The following ZCWPW2 variants were observed in gnomAD, a reference collection of about 807,000 sequenced individuals.
ZCWPW2 encodes the protein zinc finger CW-type and PWWP domain containing 2.
In ZCWPW2, 45 loss-of-function variants were observed where a neutral mutation model predicts 46.6. The ratio of observed to expected loss-of-function variants is 0.96; its 90% CI spans 0.76 to 1.24. The LOEUF (loss-of-function observed/expected upper bound fraction) is 1.24. Ranked by LOEUF, ZCWPW2 falls within the 50% of genes most tolerant of loss-of-function variation. The pLI is 0.00. For missense variants in ZCWPW2, 429 were observed against 403.9 expected (o/e 1.06, Z -0.53); for synonymous variants, 152 against 137.1 (o/e 1.11, Z -0.76).
chr3:28,480,006 G>A (rs1370157285), intron 5 of ZCWPW2, among the ~76,000 whole-genome samples: 1 of 152,100 alleles, frequency 6.6e-6, no homozygotes, highest in Non-Finnish European at 1.5e-5. Context: ...CATTGTCTTT[G>A]CTATTGTGAA....
intron 6 of ZCWPW2, among the ~76,000 whole-genome samples, chr3:28,503,417 A>G (rs1700201128): frequency 6.6e-6 from 1 of 152,020 alleles, no homozygotes; most frequent in African/African-American, 2.4e-5. Flanking sequence ...CCAACTTCAG[A>G]CTCCACACAA....
At chr3:28,380,437 T>A (rs1168845389) in intron 1 of ZCWPW2, among the ~76,000 whole-genome samples, 1 of 152,184 alleles carries the variant, frequency 6.6e-6, no homozygotes, top group Non-Finnish European at 1.5e-5. Context: ...CAGAAACAAC[T>A]ACTCAAAGAA....
chr3:28,391,830 C>T (rs1695505801), intron 2 of ZCWPW2, among the ~76,000 whole-genome samples: 1 of 152,122 alleles, frequency 6.6e-6, no homozygotes, highest in Admixed American at 6.5e-5. Flanking sequence ...TTTGCCACCC[C>T]AGGACCAGGC....
At chr3:28,370,155 C>T (rs1241339266) in intron 1 of ZCWPW2, among the ~76,000 whole-genome samples, 2 of 152,186 alleles carry the variant, frequency 1.3e-5, no homozygotes, top group Non-Finnish European at 2.9e-5. Flanking sequence ...GTGCGCTGCA[C>T]CCACTGTCCT....
At chr3:28,497,806 T>C (rs1375350760) in intron 6 of ZCWPW2, among the ~76,000 whole-genome samples, 5 of 152,072 alleles carry the variant, frequency 3.3e-5, no homozygotes, top group African/African-American at 1.2e-4. Flanking sequence ...GCCCTTCACT[T>C]AACTCCCTTT....
intron 2 of ZCWPW2, among the ~76,000 whole-genome samples, chr3:28,409,335 G>A (rs1364224384): frequency 1.3e-5 from 2 of 151,870 alleles, no homozygotes; most frequent in Non-Finnish European, 2.9e-5. Flanking sequence ...GACCAGGCTG[G>A]TCTTGAACTC....
intron 5 of ZCWPW2, among the ~76,000 whole-genome samples, chr3:28,490,262 A>G (rs545902641): frequency 2.3e-4 from 35 of 152,242 alleles, no homozygotes; most frequent in African/African-American, 2.4e-5. Flanking sequence ...CAGTTTGGCA[A>G]TTTTTCAAAG....
chr3:28,362,533 C>G (rs1704979086), intron 1 of ZCWPW2, among the ~76,000 whole-genome samples: 1 of 152,070 alleles, frequency 6.6e-6, no homozygotes, highest in Non-Finnish European at 1.5e-5. Context: ...ATACAATCTC[C>G]CACCAGTCAG....
At chr3:28,429,183 T>C (rs991761355) in intron 3 of ZCWPW2, among the ~76,000 whole-genome samples, 3 of 152,160 alleles carry the variant, frequency 2.0e-5, no homozygotes, top group South Asian at 2.1e-4. Context: ...CTGATAGTGA[T>C]ATGGACGATG....
intron 4 of ZCWPW2, among the ~76,000 whole-genome samples, chr3:28,473,503 A>G (rs1186043714): frequency 6.6e-6 from 1 of 152,008 alleles, no homozygotes; most frequent in African/African-American, 2.4e-5. Flanking sequence ...TAGAGCTACT[A>G]TATGATCCAG....
At chr3:28,446,747 C>A (rs1012234582) in intron 4 of ZCWPW2, among the ~76,000 whole-genome samples, 1 of 151,282 alleles carries the variant, frequency 6.6e-6, no homozygotes, top group African/African-American at 2.4e-5. Flanking sequence ...TTGAAAAGAT[C>A]AATAAAACTG....
At chr3:28,350,543 T>C (rs999996752) in intron 1 of ZCWPW2, among the ~76,000 whole-genome samples, 1 of 152,208 alleles carries the variant, frequency 6.6e-6, no homozygotes, top group African/African-American at 2.4e-5. Flanking sequence ...ACAAATTTTA[T>C]TATTTTAGTC....
chr3:28,422,537 T>C (rs925888954), intron 3 of ZCWPW2, among the ~76,000 whole-genome samples: 8 of 152,234 alleles, frequency 5.3e-5, no homozygotes, highest in Non-Finnish European at 7.3e-5. Flanking sequence ...CATGTCCTTT[T>C]ATGGCTTGAT....
At chr3:28,368,369 C>G (rs970421200) in intron 1 of ZCWPW2, among the ~76,000 whole-genome samples, 1 of 152,140 alleles carries the variant, frequency 6.6e-6, no homozygotes, top group Non-Finnish European at 1.5e-5. Flanking sequence ...GACAAAATCT[C>G]TCAACATTTG....
chr3:28,472,549 T>G (rs1404062570), intron 4 of ZCWPW2, among the ~76,000 whole-genome samples: 1 of 152,028 alleles, frequency 6.6e-6, no homozygotes, highest in East Asian at 1.9e-4. Flanking sequence ...ACCCTATCTC[T>G]CGCCATAAAT....
rs1260330063 is a variant in ZCWPW2 at position 28,504,847 on chromosome 3, C to T, written c.658-9217C>T. Among the ~76,000 whole-genome samples, 6 of 152,146 alleles carry T rather than the reference C, an allele frequency of 3.9e-5. No homozygotes were observed. In the East Asian group the frequency reaches 9.6e-4, roughly 24 times the overall value. On this transcript the variant is annotated intron_variant, in intron 6 of 9. Transcript: ENST00000383768. Reference sequence around the variant, plus strand: ...GCTTTCCATGGGGTTCGTCCCTCCCCGGACACCCTGTCTGGATTAGTCCTT... The same window carrying T: ...GCTTTCCATGGGGTTCGTCCCTCCCTGGACACCCTGTCTGGATTAGTCCTT...
intron 4 of ZCWPW2, among the ~76,000 whole-genome samples, chr3:28,470,478 G>T (rs1311318000): frequency 6.9e-6 from 1 of 144,600 alleles, no homozygotes; most frequent in Admixed American, 7.0e-5. Context: ...TGGTGACAGA[G>T]CGAGACTCCG....
At chr3:28,381,047 GGTGTA>G (rs1559481019) in intron 1 of ZCWPW2, among the ~76,000 whole-genome samples, 2 of 6,256 alleles carry the variant, frequency 3.2e-4, no homozygotes, top group African/African-American at 4.5e-4. Flanking sequence ...ATATATATTT[GGTGTA>G]TATATATATA....
intron 1 of ZCWPW2, among the ~76,000 whole-genome samples, chr3:28,361,601 A>G (rs1704947350): frequency 1.3e-5 from 2 of 152,292 alleles, no homozygotes; most frequent in South Asian, 2.1e-4. Context: ...GGAAACCTAT[A>G]GAATGGAAGA....
Sources: gnomAD v4.1 joint callset for allele counts (sites outside exome capture counted in the v4.1 genomes callset) on GRCh38, gnomAD v4.1.1 for gene constraint, MANE v1.5 for transcripts, NCBI Gene and HGNC (gene_info 2026-07-23, HGNC 2026-07-21) for gene names.